KCNAB1: variants seen among roughly 807,000 people sequenced by gnomAD.
KCNAB1 encodes potassium voltage-gated channel subfamily A regulatory beta subunit 1.
In KCNAB1, 35 loss-of-function variants were observed where a neutral mutation model predicts 64.6. The ratio of observed to expected loss-of-function variants is 0.54; its 90% confidence interval spans 0.41 to 0.72. The LOEUF is 0.72. KCNAB1 is among the 30% of genes least tolerant of loss of function. KCNAB1 has a pLI of 0.00. For missense variants in KCNAB1, 401 were observed against 512.9 expected, an observed-to-expected ratio of 0.78 and a Z score of 2.11; for synonymous variants, 177 against 183.8, an observed-to-expected ratio of 0.96 and a Z score of 0.30.
At chr3:156,480,909 ATGAC>A (rs897779199) in intron 8 of KCNAB1, among the ~76,000 whole-genome samples, 3 of 152,130 alleles carry the variant, frequency 2.0e-5, no homozygotes, top group Admixed American at 6.6e-5. Context: ...AGCTGGATGA[ATGAC>A]TGAGCAAGTG....
chr3:156,128,526 G>A (rs1257090991), intron 1 of KCNAB1, among the ~76,000 whole-genome samples: 3 of 152,200 alleles, frequency 2.0e-5, no homozygotes, highest in African/African-American at 4.8e-5. Flanking sequence ...ACAATTTGTA[G>A]TATCCTTGTT....
intron 1 of KCNAB1, among the ~76,000 whole-genome samples, chr3:156,328,081 C>T (rs749866069): frequency 6.6e-5 from 10 of 152,080 alleles, no homozygotes; most frequent in Non-Finnish European, 1.3e-4. Context: ...CTTCTCCATA[C>T]CTCATAACAT....
Position 156,127,884 on chromosome 3 carries a change from G to GGGGTGT in KCNAB1, c.275+6999_275+7000insGGTGTG, listed in dbSNP as rs554272137. On this transcript the variant is annotated intron_variant, in intron 1 of 13. Coordinates refer to ENST00000490337, the MANE Select transcript of KCNAB1 (RefSeq NM_172160.3). ...CAGTTTTAGATTCCTCTTCATTTGGGGTGTGTGTGTGTGTGTGTGTGTGTG... is the reference window on the plus strand; with the variant it reads ...CAGTTTTAGATTCCTCTTCATTTGGGGGGTGTGTGTGTGTGTGTGTGTGTGTGTGTG... Among the ~76,000 whole-genome samples the GGGGTGT allele has an allele frequency of 1.8e-3, 263 of 147,660 alleles. 1 individual carries two copies. The highest frequency in any genetic ancestry group is 2.9e-3 in the Admixed American group (43 of 14,792).
At chr3:156,378,504 G>A (rs1711887033) in intron 1 of KCNAB1, among the ~76,000 whole-genome samples, 1 of 151,992 alleles carries the variant, frequency 6.6e-6, no homozygotes, top group South Asian at 2.1e-4. Flanking sequence ...AGCCCTTTTT[G>A]GCCAGTTCAC....
intron 1 of KCNAB1, among the ~76,000 whole-genome samples, chr3:156,158,503 T>C (rs929899323): frequency 1.3e-5 from 2 of 152,192 alleles, no homozygotes; most frequent in African/African-American, 4.8e-5. Context: ...CCTTGGATCA[T>C]ATAGACTATT....
intron 1 of KCNAB1, among the ~76,000 whole-genome samples, chr3:156,138,845 A>G (rs1714528260): frequency 6.6e-6 from 1 of 152,178 alleles, no homozygotes; most frequent in Non-Finnish European, 1.5e-5. Context: ...GAACAGGTGT[A>G]GATGAAGTCT....
At chr3:156,358,305 A>G (rs1725392356) in intron 1 of KCNAB1, among the ~76,000 whole-genome samples, 1 of 152,196 alleles carries the variant, frequency 6.6e-6, no homozygotes, top group Non-Finnish European at 1.5e-5. Context: ...AACAAAGCTA[A>G]GGTCATGACA....
chr3:156,395,540 G>A (rs1377363551), intron 1 of KCNAB1, among the ~76,000 whole-genome samples: 9 of 24,808 alleles, frequency 3.6e-4, no homozygotes, highest in African/African-American at 7.2e-4. Flanking sequence ...GCGAGACTCC[G>A]TCTCAAAAAA....
chr3:156,284,291 T>A (rs1472376783), intron 1 of KCNAB1, among the ~76,000 whole-genome samples: 4 of 151,986 alleles, frequency 2.6e-5, no homozygotes, highest in Admixed American at 2.0e-4. Flanking sequence ...GGGTCAGGGG[T>A]CAGGGACCCA....
chr3:156,143,416 T>G, intron 1 of KCNAB1: 1 of 1,575,254 alleles, frequency 6.3e-7, no homozygotes, highest in Non-Finnish European at 8.6e-7. Context: ...GGGCATGGCA[T>G]ACAGGTACTG....
chr3:156,469,255 T>C (rs910704007), intron 7 of KCNAB1, among the ~76,000 whole-genome samples: 287 of 132,598 alleles, frequency 2.2e-3, no homozygotes, highest in African/African-American at 7.7e-3. Flanking sequence ...TTTCTTTTTT[T>C]TTTTTTTTTT....
chr3:156,419,241 G>T (rs766660889), intron 1 of KCNAB1, among the ~76,000 whole-genome samples: 1 of 152,142 alleles, frequency 6.6e-6, no homozygotes, highest in Admixed American at 6.5e-5. Context: ...GGTGGCTCAC[G>T]CCTGTAATCC....
At chr3:156,312,417 A>G (rs1455131793) in intron 1 of KCNAB1, among the ~76,000 whole-genome samples, 1 of 152,224 alleles carries the variant, frequency 6.6e-6, no homozygotes. Context: ...CAAAATATGT[A>G]AGTATGAATG....
chr3:156,221,095 T>G (rs1304596742), intron 1 of KCNAB1, among the ~76,000 whole-genome samples: 1 of 152,232 alleles, frequency 6.6e-6, no homozygotes, highest in African/African-American at 2.4e-5. Flanking sequence ...TTGGTACCAG[T>G]ACCATGCTGT....
At chr3:156,376,848 GC>G (rs1188894132) in intron 1 of KCNAB1, among the ~76,000 whole-genome samples, 3 of 152,164 alleles carry the variant, frequency 2.0e-5, no homozygotes, top group African/African-American at 7.2e-5. Context: ...AAGACCCAAG[GC>G]ACTAAAGTTG....
intron 1 of KCNAB1, among the ~76,000 whole-genome samples, chr3:156,400,964 G>C (rs1241096685): frequency 6.6e-6 from 1 of 152,190 alleles, no homozygotes; most frequent in African/African-American, 2.4e-5. Context: ...ACCAGACACA[G>C]TGATGCCCAA....
At chr3:156,263,678 A>G (rs1212431789) in intron 1 of KCNAB1, among the ~76,000 whole-genome samples, 2 of 152,058 alleles carry the variant, frequency 1.3e-5, no homozygotes, top group African/African-American at 4.8e-5. Flanking sequence ...TGCTCATATC[A>G]CTTATATAAA....
intron 1 of KCNAB1, among the ~76,000 whole-genome samples, chr3:156,391,016 C>A (rs145235433): frequency 2.0e-5 from 3 of 152,106 alleles, no homozygotes; most frequent in African/African-American, 7.2e-5. Context: ...CCAGTTTAGA[C>A]GTATGGTTCA....
intron 1 of KCNAB1, among the ~76,000 whole-genome samples, chr3:156,140,075 TG>T (rs1714617839): frequency 1.3e-5 from 2 of 152,254 alleles, no homozygotes; most frequent in South Asian, 4.1e-4. Flanking sequence ...ATCTCAGATT[TG>T]TGCTAAATTA....
Sources: gnomAD v4.1 joint callset for allele counts (sites outside exome capture counted in the v4.1 genomes callset) on GRCh38, gnomAD v4.1.1 for gene constraint, MANE v1.5 for transcripts, NCBI Gene and HGNC (gene_info 2026-07-23, HGNC 2026-07-21) for gene names.